LDB2: variants seen among roughly 807,000 people sequenced by gnomAD.
LDB2 encodes the protein LIM domain binding 2.
LDB2 carries 12 observed loss-of-function variants against 44.3 expected under a neutral mutation model. The ratio of observed to expected loss-of-function variants is 0.27; its 90% CI spans 0.17 to 0.44. The LOEUF is 0.44. Ranked by LOEUF, LDB2 falls within the 20% of genes least tolerant of loss-of-function variation. LDB2 has a pLI of 1.00. For missense variants in LDB2, 344 were observed against 473.5 expected, an observed-to-expected ratio of 0.73 and a Z score of 2.54; for synonymous variants, 164 against 174.8, an observed-to-expected ratio of 0.94 and a Z score of 0.49.
At chr4:16,555,173 G>T (rs1305482227) in intron 5 of LDB2, among the ~76,000 whole-genome samples, 1 of 149,104 alleles carries the variant, frequency 6.7e-6, no homozygotes, top group South Asian at 2.3e-4. Context: ...CCCTCACAGA[G>T]ATTCTGATTC....
intron 1 of LDB2, among the ~76,000 whole-genome samples, chr4:16,781,608 T>A (rs1370108842): frequency 6.6e-6 from 1 of 152,162 alleles, no homozygotes; most frequent in Non-Finnish European, 1.5e-5. Context: ...AGAGTCATAC[T>A]AAATCCCTCA....
intron 5 of LDB2, among the ~76,000 whole-genome samples, chr4:16,516,594 G>C (rs1374278135): frequency 6.6e-6 from 1 of 152,188 alleles, no homozygotes; most frequent in Non-Finnish European, 1.5e-5. Flanking sequence ...GGTAGACGGT[G>C]GGGGTGACCT....
intron 2 of LDB2, among the ~76,000 whole-genome samples, chr4:16,615,293 G>C (rs530344267): frequency 6.6e-6 from 1 of 152,064 alleles, no homozygotes; most frequent in Non-Finnish European, 1.5e-5. Flanking sequence ...CTACTATAAA[G>C]ACACATGTAC....
chr4:16,519,218 A>G (rs1725028323), intron 5 of LDB2, among the ~76,000 whole-genome samples: 1 of 152,150 alleles, frequency 6.6e-6, no homozygotes, highest in Non-Finnish European at 1.5e-5. Flanking sequence ...GTCTATGTCT[A>G]TCCCTGGAGT....
intron 2 of LDB2, among the ~76,000 whole-genome samples, chr4:16,678,892 A>G (rs1747054394): frequency 6.6e-6 from 1 of 152,164 alleles, no homozygotes; most frequent in African/African-American, 2.4e-5. Flanking sequence ...AAAATTTTCT[A>G]TTTCTACCTG....
At chr4:16,814,607 A>C (rs1579921843) in intron 1 of LDB2, among the ~76,000 whole-genome samples, 1 of 152,216 alleles carries the variant, frequency 6.6e-6, no homozygotes, top group African/African-American at 2.4e-5. Context: ...TCTGCAACTT[A>C]AGAGCCCTAG....
chr4:16,550,690 A>G (rs2152347173), intron 5 of LDB2, among the ~76,000 whole-genome samples: 1 of 152,350 alleles, frequency 6.6e-6, no homozygotes. Context: ...AAATTGGCAC[A>G]AGCCTTTTGG....
chr4:16,508,818 T>C lies in LDB2; in HGVS notation c.740-132A>G, dbSNP rs942131498. ...CTATTTAAACATTTTCCATTTCTTA[T>C]AGCTTTAGAAAGAATAAAAGGAGAA... On this transcript the variant is annotated intron_variant, in intron 6 of 7. Transcript: ENST00000304523. The C allele has an allele frequency of 9.5e-6, 8 of 842,164 alleles. No homozygotes were observed. In the African/African-American group the frequency reaches 1.2e-4, roughly 13 times the overall value. The allele number at this position is 842,164 out of a possible 1,614,324, so 52.2% of individuals were successfully genotyped here. A position where few individuals can be genotyped will look rare whatever the true frequency, so the allele number is the denominator to read the frequency against.
chr4:16,765,481 T>A (rs1411982004), intron 1 of LDB2, among the ~76,000 whole-genome samples: 5 of 152,240 alleles, frequency 3.3e-5, no homozygotes, highest in Non-Finnish European at 7.3e-5. Context: ...ATAGAGCGTA[T>A]ATGAAATTAT....
chr4:16,881,896 T>A (rs775906959), intron 1 of LDB2, among the ~76,000 whole-genome samples: 11 of 152,324 alleles, frequency 7.2e-5, no homozygotes, highest in East Asian at 1.9e-4. Context: ...TGTTTTGAGA[T>A]GTTTACGCAG....
rs370619212 is a variant in LDB2 at position 16,882,197 on chromosome 4, G to T, written c.132+16157C>A. ...CCACTAGGCTGTGAGCATCCTGAGG[G>T]CAGGGTTTATATATGGTCCTCCCTC... is the stretch of plus-strand genomic sequence containing the variant. On this transcript the variant is annotated intron_variant, in intron 1 of 7. Coordinates refer to ENST00000304523, the MANE Select transcript of LDB2 (RefSeq NM_001290.5). Among the ~76,000 whole-genome samples, 161 of 152,232 alleles carry T rather than the reference G, an allele frequency of 1.1e-3. 5 individuals are homozygous for T. The South Asian group carries it at 0.033, about 31-fold the overall frequency.
chr4:16,536,254 C>G (rs1474686707), intron 5 of LDB2, among the ~76,000 whole-genome samples: 1 of 152,184 alleles, frequency 6.6e-6, no homozygotes, highest in Non-Finnish European at 1.5e-5. Context: ...ATCTCCCTGG[C>G]TGGGTGTGAC....
chr4:16,647,887 T>C (rs1445779117), intron 2 of LDB2, among the ~76,000 whole-genome samples: 1 of 152,202 alleles, frequency 6.6e-6, no homozygotes, highest in African/African-American at 2.4e-5. Flanking sequence ...CCCCAATTTT[T>C]AGAGTATTTA....
chr4:16,506,157 T>C (rs980349186), intron 7 of LDB2: 2 of 583,484 alleles, frequency 3.4e-6, no homozygotes, highest in Non-Finnish European at 5.8e-6. Flanking sequence ...AGAATAGTGT[T>C]GATAACTCAG....
chr4:16,788,021 A>C (rs1406932244), intron 1 of LDB2, among the ~76,000 whole-genome samples: 2 of 152,138 alleles, frequency 1.3e-5, no homozygotes, highest in African/African-American at 4.8e-5. Context: ...CTTGGGGTGC[A>C]TGTGCCTGGC....
intron 2 of LDB2, among the ~76,000 whole-genome samples, chr4:16,714,839 G>T (rs1280641848): frequency 6.6e-6 from 1 of 151,956 alleles, no homozygotes; most frequent in Non-Finnish European, 1.5e-5. Context: ...CTTTCTCGTG[G>T]TCTTCCCCTT....
intron 1 of LDB2, among the ~76,000 whole-genome samples, chr4:16,797,632 A>C (rs1488353521): frequency 6.6e-6 from 1 of 152,148 alleles, no homozygotes; most frequent in Non-Finnish European, 1.5e-5. Flanking sequence ...ATAGTTAGGA[A>C]TGATAATAAT....
intron 7 of LDB2, chr4:16,506,087 T>A: frequency 7.9e-7 from 1 of 1,273,418 alleles, no homozygotes; most frequent in Non-Finnish European, 1.1e-6. Context: ...GTGGTCATAG[T>A]GGCACATGCC....
chr4:16,836,535 G>A (rs1005447805), intron 1 of LDB2, among the ~76,000 whole-genome samples: 3 of 152,080 alleles, frequency 2.0e-5, no homozygotes, highest in African/African-American at 7.2e-5. Flanking sequence ...ATTTTCTATT[G>A]ATCTCTGCTG....
Sources: allele counts gnomAD v4.1 joint callset (sites outside exome capture counted in the v4.1 genomes callset), GRCh38; gene constraint gnomAD v4.1.1; transcripts MANE v1.5; gene names NCBI Gene and HGNC (gene_info 2026-07-23, HGNC 2026-07-21).